The following WDR18 variants were observed in gnomAD, a reference collection of about 807,000 sequenced individuals.
WDR18 encodes the protein WD repeat-containing protein 18.
A neutral mutation model predicts 49.6 loss-of-function variants in WDR18; 33 were observed. The observed-to-expected ratio is 0.67, with a 90% CI of 0.50 to 0.89. The LOEUF is 0.89. WDR18 is among the 40% of genes least tolerant of loss of function. The pLI is 0.00. For missense variants in WDR18, 653 were observed against 593.6 expected (o/e 1.10, Z -1.04); for synonymous variants, 315 against 263.6 (o/e 1.19, Z -1.89).
At position 991,308 on chromosome 19, in the gene WDR18, G is replaced by A; in HGVS notation, c.888G>A (p.Trp296Ter). 1 of 1,560,700 alleles carries A rather than the reference G, an allele frequency of 6.4e-7. No individual in the cohort carries two copies. The highest frequency in any genetic ancestry group is 1.2e-5 in the South Asian group (1 of 85,106). ...SGSHDETVRL[W>*]DVQSKQCIRT... ...CCCACGACGAGACCGTGCGCCTCTG[G>A]GACGTGCAGAGCAAGCAGTGCATCC... is the stretch of plus-strand genomic sequence containing the variant. The change falls in exon 7 of 10, where the codon TGG becomes TGA. Residue 296 changes from tryptophan (W) to a stop codon, truncating the protein, a stop_gained. Coordinates refer to ENST00000585809, the MANE Select transcript of WDR18 (RefSeq NM_024100.4). LOFTEE classifies it high-confidence loss of function.
rs947630934 is a variant in WDR18, at chr19:994,046, C to T, written c.1125C>T (p.Arg375=). 3.8e-6 allele frequency: 6 copies of T among 1,560,132 alleles called. No homozygotes were observed. The highest frequency in any genetic ancestry group is 5.2e-6 in the Non-Finnish European group (6 of 1,153,360). Residue 375 remains arginine (R), a synonymous_variant, in exon 9 of 10, where the codon CGC becomes CGT. Coordinates refer to ENST00000585809, the MANE Select transcript of WDR18 (RefSeq NM_024100.4). ...GCTCGGAGCCCAGCTACCTGGACCG[C>T]ACGGAGCAGCTGCAGGCCGTCCTGT... The part of the protein sequence containing the change: ...QQGSEPSYLD[R]TEQLQAVLCS...
intron 7 of WDR18, 120 bp from the exon 8 acceptor site, chr19:991,835 A>ACTGGTCGTGGGGCGGGGC: frequency 1.0e-6 from 1 of 1,001,406 alleles, no homozygotes; most frequent in African/African-American, 3.0e-5. Context: ...GGGGGCGTGG[A>ACTGGTCGTGGGGCGGGGC]CTGGCTGTGG....
chr19:983,803 G>A (rs969924514), upstream of WDR18, among the ~76,000 whole-genome samples: 1 of 151,850 alleles, frequency 6.6e-6, no homozygotes, highest in African/African-American at 2.4e-5. Context: ...ACTTTGGCAG[G>A]CCGAGCTGGG....
chr19:991,813 C>CG, intron 7 of WDR18, 142 bp from the exon 8 acceptor site: 1 of 799,148 alleles, frequency 1.3e-6, no homozygotes, highest in Non-Finnish European at 1.6e-6. Flanking sequence ...GGTCGTGGGG[C>CG]GGGGCCTGGC....
intron 2 of WDR18, among the ~76,000 whole-genome samples, chr19:988,074 C>T (rs916192931): frequency 6.6e-6 from 1 of 152,058 alleles, no homozygotes; most frequent in Non-Finnish European, 1.5e-5. Context: ...AGGTGATCCG[C>T]CCTTCTCAGC....
chr19:985,802 T>A (rs2038468456), intron 1 of WDR18, 63 bp from the exon 2 acceptor site: 1 of 1,532,992 alleles, frequency 6.5e-7, no homozygotes, highest in South Asian at 1.1e-5. Flanking sequence ...CCCCTCGCCC[T>A]CCACTGCTGT....
At chr19:983,090 T>G (rs928992370), upstream of WDR18, among the ~76,000 whole-genome samples, 5 of 152,332 alleles carry the variant, frequency 3.3e-5, no homozygotes, top group South Asian at 8.3e-4. Context: ...GACTTTTAAA[T>G]GAATGCTCCC....
intron 1 of WDR18, 58 bp downstream of exon 1, chr19:984,621 G>T (rs1166457449): frequency 1.5e-6 from 2 of 1,371,062 alleles, no homozygotes; most frequent in Non-Finnish European, 1.9e-6. Context: ...GAAGTCGGGG[G>T]ATGGGTTGGT....
intron 9 of WDR18, 56 bp downstream of exon 9, chr19:994,144 G>A: frequency 6.5e-7 from 1 of 1,548,062 alleles, no homozygotes; most frequent in Non-Finnish European, 8.7e-7. Flanking sequence ...CCTGGCCAGT[G>A]GGGGTGAGTG....
intron 4 of WDR18, 65 bp from the exon 5 acceptor site, chr19:990,785 CCT>C: frequency 3.3e-6 from 5 of 1,527,962 alleles, no homozygotes; most frequent in Non-Finnish European, 3.5e-6. Context: ...CCCTGGTGCC[CCT>C]GTTCCCATGG....
chr19:990,551 C>T (rs2038531688), intron 4 of WDR18, 187 bp downstream of exon 4: 1 of 983,448 alleles, frequency 1.0e-6, no homozygotes, highest in South Asian at 1.9e-5. Flanking sequence ...CCTACTCATT[C>T]ACCGTTTCTG....
In WDR18 at chr19:984,453, T is replaced by TACCGCGGCGGCCAGGCGGGAC; in HGVS notation, c.101_121dup (p.Gly40_Pro41insHisArgGlyGlyGlnAlaGly). On this transcript the variant is annotated inframe_insertion, in exon 1 of 10. Coordinates refer to ENST00000585809, the MANE Select transcript of WDR18 (RefSeq NM_024100.4). ...TCACTCGGGCGCCAACCTGCTCACC[T>TACCGCGGCGGCCAGGCGGGAC]ACCGCGGCGGCCAGGCGGGACCCCG... 1 of 1,595,086 alleles carries TACCGCGGCGGCCAGGCGGGAC rather than the reference T, an allele frequency of 6.3e-7. No homozygotes were observed. The highest frequency in any genetic ancestry group is 8.5e-7 in the Non-Finnish European group (1 of 1,172,510).
chr19:994,199 G>T lies in WDR18; in HGVS notation c.1168-14G>T, dbSNP rs145086348. On this transcript the variant is annotated splice_polypyrimidine_tract_variant and intron_variant, in intron 9 of 9. Transcript: ENST00000585809. ...CAGGCCACTTCTGCCCTCTGACCCC[G>T]ACTTCTCCCGCAGAGCGTGCTCGGC... 7.8e-4 allele frequency: 1,244 copies of T among 1,591,280 alleles called. 14 individuals carry two copies. In the African/African-American group the frequency reaches 0.015, roughly 19 times the overall value.
intron 3 of WDR18, 89 bp from the exon 4 acceptor site, chr19:990,134 A>C: frequency 1.4e-6 from 2 of 1,447,134 alleles, no homozygotes; most frequent in East Asian, 4.8e-5. Flanking sequence ...GAGTGGAGGC[A>C]GGTGTGTGCG....
At chr19:988,271 G>A (rs1228041153) in intron 2 of WDR18, among the ~76,000 whole-genome samples, 2 of 151,814 alleles carry the variant, frequency 1.3e-5, no homozygotes, top group Non-Finnish European at 2.9e-5. Context: ...CGACGGGTGT[G>A]TGAGCGGTGA....
chr19:987,283 C>T (rs1243004448), intron 2 of WDR18, among the ~76,000 whole-genome samples: 1 of 152,260 alleles, frequency 6.6e-6, no homozygotes, highest in African/African-American at 2.4e-5. Context: ...GCGGAAGTTG[C>T]AGTGAGATGA....
chr19:992,661 G>A (rs1453655513), intron 8 of WDR18, among the ~76,000 whole-genome samples: 10 of 152,198 alleles, frequency 6.6e-5, no homozygotes, highest in Admixed American at 5.9e-4. Context: ...CTTACCTTCT[G>A]AGGGTAGAGT....
chr19:985,024 A>C (rs2038461153), intron 1 of WDR18, among the ~76,000 whole-genome samples: 1 of 152,150 alleles, frequency 6.6e-6, no homozygotes, highest in Non-Finnish European at 1.5e-5. Context: ...CGTCGCCCAC[A>C]GTTTCCCCTC....
chr19:994,011 G>A lies in WDR18; in HGVS notation c.1099-9G>A. 1 of 1,551,770 alleles carries A rather than the reference G, an allele frequency of 6.4e-7. No homozygotes were observed. The highest frequency in any genetic ancestry group is 2.0e-5 in the Admixed American group (1 of 51,234). ...GCGCCCCGAGGTCACGTGGCTCCCTGTGTTACAGGGCTCGGAGCCCAGCTA... is the reference window on the plus strand; with the variant it reads ...GCGCCCCGAGGTCACGTGGCTCCCTATGTTACAGGGCTCGGAGCCCAGCTA... On this transcript the variant is annotated splice_polypyrimidine_tract_variant and intron_variant, in intron 8 of 9. Transcript: ENST00000585809.
Sources: gnomAD v4.1 joint callset for allele counts (sites outside exome capture counted in the v4.1 genomes callset) on GRCh38, gnomAD v4.1.1 for gene constraint, MANE v1.5 for transcripts, NCBI Gene and HGNC (gene_info 2026-07-23, HGNC 2026-07-21) for gene names.